Variants in MGRN1 observed in about 807,000 individuals in gnomAD.
The protein encoded by MGRN1 is mahogunin ring finger 1, also known as E3 ubiquitin-protein ligase MGRN1.
A neutral mutation model predicts 69.2 loss-of-function variants in MGRN1; 29 were observed. The observed-to-expected ratio is 0.42, with a 90% CI of 0.31 to 0.57. The LOEUF (loss-of-function observed/expected upper bound fraction) is 0.57. Among genes scored for constraint, MGRN1 ranks in the 20% least tolerant of loss-of-function variants. MGRN1 has a pLI of 0.15. For synonymous variants in MGRN1, 470 were observed against 344.2 expected, an observed-to-expected ratio of 1.37 and a Z score of -4.04; for missense variants, 998 against 796.2, an observed-to-expected ratio of 1.25 and a Z score of -3.05.
chr16:4,673,132 C>G (rs1309104970), intron 9 of MGRN1, among the ~76,000 whole-genome samples: 1 of 152,244 alleles, frequency 6.6e-6, no homozygotes, highest in African/African-American at 2.4e-5. Context: ...GCCACCGCGC[C>G]TGACCATTAA....
chr16:4,632,643 C>G (rs1301411728), intron 1 of MGRN1, among the ~76,000 whole-genome samples: 2 of 152,274 alleles, frequency 1.3e-5, no homozygotes, highest in South Asian at 2.1e-4. Flanking sequence ...ATCCGCCCGT[C>G]TCGGCCTCCC....
intron 5 of MGRN1, among the ~76,000 whole-genome samples, chr16:4,663,749 G>A (rs893845744): frequency 6.6e-6 from 1 of 152,210 alleles, no homozygotes; most frequent in African/African-American, 2.4e-5. Context: ...GGCCTGTAGA[G>A]AGTAGGGCGA....
At chr16:4,649,839 G>A (rs1261610910) in intron 1 of MGRN1, 1 of 154,032 alleles carries the variant, frequency 6.5e-6, no homozygotes, top group Non-Finnish European at 1.4e-5. Flanking sequence ...GCAGTGTGGA[G>A]AGGCCAGGAG....
At chr16:4,684,162 C>T (rs565388924) in intron 16 of MGRN1, among the ~76,000 whole-genome samples, 71 of 152,366 alleles carry the variant, frequency 4.7e-4, no homozygotes, top group Non-Finnish European at 8.4e-4. Flanking sequence ...GCGGAACCTG[C>T]ACCAAAGCCC....
intron 1 of MGRN1, among the ~76,000 whole-genome samples, chr16:4,648,576 C>T (rs1188222174): frequency 4.2e-5 from 5 of 118,260 alleles, no homozygotes; most frequent in Non-Finnish European, 8.5e-5. Context: ...CCCGTGGTCA[C>T]CCGGGTCCTC....
At chr16:4,646,946 T>C (rs1406248550) in intron 1 of MGRN1, among the ~76,000 whole-genome samples, 1 of 152,192 alleles carries the variant, frequency 6.6e-6, no homozygotes, top group African/African-American at 2.4e-5. Context: ...AGCCCGCTCC[T>C]GAGTGTCCCT....
chr16:4,650,732 G>A (rs1399122878), intron 2 of MGRN1: 1 of 375,744 alleles, frequency 2.7e-6, no homozygotes, highest in East Asian at 4.1e-5. Flanking sequence ...ATACTGAATG[G>A]GTGCGTCTGG....
intron 1 of MGRN1, among the ~76,000 whole-genome samples, chr16:4,628,908 C>T (rs1298402209): frequency 2.0e-5 from 3 of 152,086 alleles, no homozygotes; most frequent in African/African-American, 7.2e-5. Flanking sequence ...GCAATCTTGG[C>T]TTACTGCAAC....
intron 1 of MGRN1, among the ~76,000 whole-genome samples, chr16:4,642,213 C>T (rs2078175389): frequency 6.6e-6 from 1 of 151,776 alleles, no homozygotes; most frequent in Admixed American, 6.6e-5. Context: ...TCGCTGCAAC[C>T]TCTGCCTCTT....
At chr16:4,628,651 TCTC>T (rs2141817345) in intron 1 of MGRN1, among the ~76,000 whole-genome samples, 1 of 152,166 alleles carries the variant, frequency 6.6e-6, no homozygotes, top group African/African-American at 2.4e-5. Context: ...TTCAAGCAAT[TCTC>T]CTGTTTCAGC....
At position 4,665,091 on chromosome 16, in the gene MGRN1, C is replaced by G; in HGVS notation, c.629-11C>G. ...CCGACTCTGACTACTCTGCCCCTCT[C>G]TCCCCAGCAGTGGTGGAAGTGACTG... On this transcript the variant is annotated splice_polypyrimidine_tract_variant and intron_variant, in intron 6 of 16. Coordinates refer to ENST00000262370, the MANE Select transcript of MGRN1 (RefSeq NM_015246.4). 1.9e-6 allele frequency: 3 copies of G among 1,614,230 alleles called. No homozygotes were observed. Among genetic ancestry groups the G allele is most frequent in the Non-Finnish European group, 2.5e-6 (3 of 1,180,042 alleles).
At chr16:4,646,679 G>A (rs2078281135) in intron 1 of MGRN1, among the ~76,000 whole-genome samples, 1 of 152,190 alleles carries the variant, frequency 6.6e-6, no homozygotes, top group South Asian at 2.1e-4. Flanking sequence ...CGGTCACCTG[G>A]TCAGCCCTGT....
rs576003292 is a variant in MGRN1 at position 4,682,953 on chromosome 16, C to G, written c.1482+7C>G. 6.5e-6 allele frequency: 10 copies of G among 1,549,648 alleles called. No individual in the cohort carries two copies. The highest frequency in any genetic ancestry group is 5.8e-5 in the Admixed American group (3 of 51,370). ...GGAAAGCAGCTCCCCTGAGGTGAGG[C>G]CCCCCCGGGGAAGCTTTGCGCACCC... On this transcript the variant is annotated splice_region_variant and intron_variant, in intron 14 of 16. Coordinates refer to ENST00000262370, the MANE Select transcript of MGRN1 (RefSeq NM_015246.4).
chr16:4,627,509 C>A (rs1400671895), intron 1 of MGRN1, among the ~76,000 whole-genome samples: 1 of 152,212 alleles, frequency 6.6e-6, no homozygotes, highest in Non-Finnish European at 1.5e-5. Flanking sequence ...GTCGTCTGGC[C>A]AGGCGCGGTG....
chr16:4,637,081 T>C (rs1898335383), intron 1 of MGRN1, among the ~76,000 whole-genome samples: 1 of 128,416 alleles, frequency 7.8e-6, no homozygotes. Flanking sequence ...ATTGCGCCAC[T>C]GCACGCCAGC....
At chr16:4,681,815 G>A (rs2079188485) in intron 13 of MGRN1, 39 bp downstream of exon 13, 6 of 1,581,750 alleles carry the variant, frequency 3.8e-6, no homozygotes, top group Non-Finnish European at 5.2e-6. Flanking sequence ...CAGGGTGTGT[G>A]GTGGCGCGCG....
chr16:4,640,943 C>T (rs986907801), intron 1 of MGRN1, among the ~76,000 whole-genome samples: 1 of 152,192 alleles, frequency 6.6e-6, no homozygotes, highest in Non-Finnish European at 1.5e-5. Context: ...AAAGTGTGGG[C>T]CTTGTCTGCC....
Position 4,665,264 on chromosome 16 carries a change from C to T in MGRN1, c.678+113C>T, listed in dbSNP as rs953121908. 6.0e-6 allele frequency: 7 copies of T among 1,159,764 alleles called. No individual in the cohort carries two copies. In the Admixed American group the frequency reaches 6.1e-5, roughly 10 times the overall value. 71.8% of individuals were successfully genotyped at this position (1,159,764 alleles called of 1,614,324 possible). On this transcript the variant is annotated intron_variant, in intron 7 of 16. Transcript: ENST00000262370. ...GGGGCTTGGTGGGGTGGCTGAGTGT[C>T]AAGGGCCCCGGGGCAGGTTGGGGCG...
intron 10 of MGRN1, among the ~76,000 whole-genome samples, chr16:4,674,014 T>G (rs1381710885): frequency 6.6e-6 from 1 of 152,244 alleles, no homozygotes; most frequent in African/African-American, 2.4e-5. Context: ...TGAGACAGTT[T>G]CGTGCTGTCG....
Sources: allele counts gnomAD v4.1 joint callset (sites outside exome capture counted in the v4.1 genomes callset), GRCh38; gene constraint gnomAD v4.1.1; transcripts MANE v1.5; gene names NCBI Gene and HGNC (gene_info 2026-07-23, HGNC 2026-07-21).